Variants in PPARGC1A observed in about 807,000 individuals in gnomAD.
The protein encoded by PPARGC1A is PPARG coactivator 1 alpha, also known as peroxisome proliferator-activated receptor gamma coactivator 1-alpha.
A neutral mutation model predicts 88.7 loss-of-function variants in PPARGC1A; 25 were observed. The ratio of observed to expected loss-of-function variants is 0.28; its 90% confidence interval spans 0.21 to 0.39. The LOEUF (loss-of-function observed/expected upper bound fraction) is 0.39, where lower values mean the gene tolerates loss of function less well. Ranked by LOEUF, PPARGC1A falls within the 10% of genes least tolerant of loss-of-function variation. The pLI is 1.00. For missense variants in PPARGC1A, 880 were observed against 968.7 expected, an observed-to-expected ratio of 0.91 and a Z score of 1.22; for synonymous variants, 363 against 355.6, an observed-to-expected ratio of 1.02 and a Z score of -0.24.
chr4:24,234,796 C>G, the PPARGC1A span, among the ~76,000 whole-genome samples: 1 of 152,180 alleles, frequency 6.6e-6, no homozygotes, highest in Non-Finnish European at 1.5e-5. Context: ...CCCCAGTGAT[C>G]ACTGGCTCAG....
At chr4:24,031,184 CTGAATTAA>C in the PPARGC1A span, among the ~76,000 whole-genome samples, 2 of 152,100 alleles carry the variant, frequency 1.3e-5, no homozygotes, top group Non-Finnish European at 2.9e-5. Context: ...TGGTGAGAGA[CTGAATTAA>C]TGAATTAATG....
the PPARGC1A span, among the ~76,000 whole-genome samples, chr4:24,259,559 T>A: frequency 1.3e-5 from 2 of 152,338 alleles, no homozygotes; most frequent in East Asian, 3.9e-4. Flanking sequence ...CTGTAACTTT[T>A]CTATGTTTAG....
At chr4:24,116,661 C>T in the PPARGC1A span, among the ~76,000 whole-genome samples, 3 of 152,176 alleles carry the variant, frequency 2.0e-5, no homozygotes, top group Admixed American at 2.0e-4. Context: ...AGGAACAGCA[C>T]ATGCAAAGGC....
chr4:24,437,733 G>T, the PPARGC1A span, among the ~76,000 whole-genome samples: 1 of 151,614 alleles, frequency 6.6e-6, no homozygotes, highest in African/African-American at 2.4e-5. Flanking sequence ...GCAATGGTGC[G>T]ATCTCAGCTC....
At chr4:24,348,699 T>C in the PPARGC1A span, among the ~76,000 whole-genome samples, 1 of 152,148 alleles carries the variant, frequency 6.6e-6, no homozygotes, top group African/African-American at 2.4e-5. Context: ...CATGAATATT[T>C]CTCCCTTCAC....
the PPARGC1A span, among the ~76,000 whole-genome samples, chr4:23,951,913 G>A: frequency 6.6e-6 from 1 of 152,120 alleles, no homozygotes; most frequent in African/African-American, 2.4e-5. Flanking sequence ...AGCTCATGAT[G>A]AAAGGTAGTT....
the PPARGC1A span, among the ~76,000 whole-genome samples, chr4:24,176,998 G>T: frequency 1.9e-4 from 29 of 152,244 alleles, no homozygotes; most frequent in African/African-American, 7.0e-4. Flanking sequence ...AAGAATCTTG[G>T]ACTTTTTTAC....
chr4:23,929,661 T>C, the PPARGC1A span, among the ~76,000 whole-genome samples: 1 of 152,130 alleles, frequency 6.6e-6, no homozygotes, highest in Non-Finnish European at 1.5e-5. Context: ...GAAGAAAGAT[T>C]GGCAATGGCT....
chr4:24,033,625 C>G, the PPARGC1A span, among the ~76,000 whole-genome samples: 11 of 152,086 alleles, frequency 7.2e-5, no homozygotes, highest in Non-Finnish European at 1.5e-4. Context: ...ACCTTTTTTA[C>G]TAGCATTGAA....
chr4:24,042,130 G>A, the PPARGC1A span, among the ~76,000 whole-genome samples: 1 of 152,090 alleles, frequency 6.6e-6, no homozygotes, highest in African/African-American at 2.4e-5. Context: ...ATAAGTAAAT[G>A]TCTTCAAAAA....
chr4:24,287,746 G>T, the PPARGC1A span, among the ~76,000 whole-genome samples: 1 of 151,718 alleles, frequency 6.6e-6, no homozygotes. Flanking sequence ...AGTAAAAAAT[G>T]CTACCACTTC....
At chr4:24,331,921 C>T in the PPARGC1A span, among the ~76,000 whole-genome samples, 10 of 152,128 alleles carry the variant, frequency 6.6e-5, no homozygotes, top group African/African-American at 2.2e-4. Flanking sequence ...TGTCCTAATG[C>T]TCTCCCTCCC....
chr4:24,266,268 G>T, the PPARGC1A span, among the ~76,000 whole-genome samples: 12 of 152,206 alleles, frequency 7.9e-5, no homozygotes, highest in Admixed American at 2.6e-4. Context: ...ACCAGATGGA[G>T]TTGGGTGAGC....
chr4:23,908,024 T>A (rs187541469), upstream of PPARGC1A, among the ~76,000 whole-genome samples: 390 of 152,278 alleles, frequency 2.6e-3, 1 homozygote, highest in Middle Eastern at 6.8e-3. Context: ...AGATTAAAGA[T>A]TTGTATGAAA....
intron 2 of PPARGC1A, among the ~76,000 whole-genome samples, chr4:23,858,052 C>T (rs182728437): frequency 4.6e-5 from 7 of 151,936 alleles, no homozygotes; most frequent in South Asian, 2.1e-4. Context: ...TATGGCTTTC[C>T]GTGGAATGAA....
the PPARGC1A span, among the ~76,000 whole-genome samples, chr4:24,121,349 A>G: frequency 6.6e-6 from 1 of 152,140 alleles, no homozygotes; most frequent in Non-Finnish European, 1.5e-5. Flanking sequence ...ACCTCTGAAC[A>G]TGATCACAGG....
the PPARGC1A span, among the ~76,000 whole-genome samples, chr4:24,400,461 G>T: frequency 6.6e-6 from 1 of 152,144 alleles, no homozygotes; most frequent in Non-Finnish European, 1.5e-5. Flanking sequence ...GGCTCTCCTT[G>T]CTCCTCAGCT....
chr4:24,065,343 C>A, the PPARGC1A span, among the ~76,000 whole-genome samples: 2 of 152,136 alleles, frequency 1.3e-5, no homozygotes, highest in African/African-American at 4.8e-5. Context: ...CTGTCCTTCA[C>A]TCAAGCTTTC....
At chr4:23,941,369 T>A in the PPARGC1A span, among the ~76,000 whole-genome samples, 1 of 152,196 alleles carries the variant, frequency 6.6e-6, no homozygotes, top group Non-Finnish European at 1.5e-5. Flanking sequence ...TAATTTTTTT[T>A]AATGTCATAT....
Sources: gnomAD v4.1 joint callset for allele counts (sites outside exome capture counted in the v4.1 genomes callset) on GRCh38, gnomAD v4.1.1 for gene constraint, MANE v1.5 for transcripts, NCBI Gene and HGNC (gene_info 2026-07-23, HGNC 2026-07-21) for gene names.